The following IGLON5 variants were observed in gnomAD, a reference collection of about 807,000 sequenced individuals.
IGLON5 encodes the protein Ig-like domain-containing protein ENSP00000270642.
A neutral mutation model predicts 38.2 loss-of-function variants in IGLON5; 16 were observed. That is an observed-to-expected ratio of 0.42 (90% CI 0.28 to 0.64). The LOEUF (loss-of-function observed/expected upper bound fraction) is 0.64. IGLON5 is among the 30% of genes least tolerant of loss of function. The probability of loss-of-function intolerance (pLI) is 0.23; values close to 1 mark genes in which losing one functional copy is unlikely to be tolerated. For synonymous variants in IGLON5, 207 were observed against 216.4 expected (o/e 0.96, Z 0.38); for missense variants, 366 against 483.4 (o/e 0.76, Z 2.28).
In IGLON5 at chr19:51,327,359, C is replaced by T. The variant is rs1985243898; in HGVS notation, c.767+159C>T. On this transcript the variant is annotated intron_variant, in intron 6 of 7. Transcript: ENST00000270642. The surrounding 1 kb of genome is among the most constrained non-coding windows in gnomAD (Gnocchi z 7.1). ...TCTAGGTGATGGGATCTGTCCAGCCCCGGAGACAAGCTTGGGTCCCCGCTT... is the reference window on the plus strand; with the variant it reads ...TCTAGGTGATGGGATCTGTCCAGCCTCGGAGACAAGCTTGGGTCCCCGCTT... 6.6e-6 allele frequency among the ~76,000 whole-genome samples: 1 copy of T among 152,086 alleles called. No individual in the cohort carries two copies. Among genetic ancestry groups the T allele is most frequent in the Non-Finnish European group, 1.5e-5 (1 of 68,016 alleles).
chr19:51,313,644 TC>T (rs1984830723), intron 1 of IGLON5, among the ~76,000 whole-genome samples: 1 of 89,786 alleles, frequency 1.1e-5, no homozygotes, highest in East Asian at 2.2e-4. Flanking sequence ...TCTCTCTCTC[TC>T]TTTTTCTTTC....
intron 7 of IGLON5, 53 bp from the exon 8 acceptor site, chr19:51,328,618 C>T (rs1248171882): frequency 1.6e-6 from 2 of 1,225,066 alleles, no homozygotes; most frequent in Admixed American, 5.2e-5. Context: ...GAGAGACACA[C>T]ATGGGGTTCC....
chr19:51,312,460 G>A (rs958570448), intron 1 of IGLON5, among the ~76,000 whole-genome samples: 2 of 152,116 alleles, frequency 1.3e-5, no homozygotes, highest in African/African-American at 4.8e-5. Flanking sequence ...GAGGGGACAA[G>A]GGTGTCCACA....
rs759930932 is a variant in IGLON5, at chr19:51,325,392, G to A, written c.438G>A (p.Glu146=). ...TCTCGTCGCCTGTGACGGTGAATGAGGGGGGCAATGTGAACCTGCTTTGCC... is the reference window on the plus strand; with the variant it reads ...TCTCGTCGCCTGTGACGGTGAATGAAGGGGGCAATGTGAACCTGCTTTGCC... ...VNISSPVTVN[E]GGNVNLLCLA... Residue 146 remains glutamate, a synonymous_variant, in exon 4 of 8, where the codon GAG becomes GAA. Transcript: ENST00000270642. This position sits in a 1 kb window ranked among gnomAD's most constrained non-coding sequence, Gnocchi z 5.5. 1 of 1,613,822 alleles carries A rather than the reference G, an allele frequency of 6.2e-7. No individual in the cohort carries two copies. The highest frequency in any genetic ancestry group is 8.5e-7 in the Non-Finnish European group (1 of 1,179,800).
chr19:51,328,615 A>C (rs1436971081), intron 7 of IGLON5, 56 bp from the exon 8 acceptor site: 1 of 1,174,556 alleles, frequency 8.5e-7, no homozygotes, highest in Non-Finnish European at 1.2e-6. Flanking sequence ...CTGGAGAGAC[A>C]CACATGGGGT....
intron 1 of IGLON5, among the ~76,000 whole-genome samples, chr19:51,316,699 G>A (rs948634529): frequency 6.6e-6 from 1 of 151,798 alleles, no homozygotes; most frequent in African/African-American, 2.4e-5. Flanking sequence ...TCACCATATT[G>A]GTCAGGCTAG....
At chr19:51,321,987 G>A in intron 1 of IGLON5, 77 bp from the exon 2 acceptor site, 1 of 1,161,250 alleles carries the variant, frequency 8.6e-7, no homozygotes, top group South Asian at 1.2e-5. Context: ...GGACGTGCGT[G>A]TGCACATGTG....
At chr19:51,322,757 C>CCTCTGGGTCTCTTTCCCTCTCTCT (rs1985100549) in intron 2 of IGLON5, among the ~76,000 whole-genome samples, 1 of 146,524 alleles carries the variant, frequency 6.8e-6, no homozygotes, top group East Asian at 2.1e-4. Context: ...TCTGAGTCTC[C>CCTCTGGGTCTCTTTCCCTCTCTCT]CTCTGGGTCT....
rs1735017367 is a variant in IGLON5, at chr19:51,325,271, C to T, written c.392-75C>T. The stretch of plus-strand genomic sequence containing the variant: ...GGAGGAGGGGCTGGGGGTCTGGACT[C>T]CTGGGTCTGAAGGAGGAAGGGCTGG... On this transcript the variant is annotated intron_variant, in intron 3 of 7. Coordinates refer to ENST00000270642, the MANE Select transcript of IGLON5 (RefSeq NM_001101372.3). The surrounding 1 kb of genome is among the most constrained non-coding windows in gnomAD (Gnocchi z 5.5). The T allele has an allele frequency of 1.9e-6, 3 of 1,566,166 alleles. No individual in the cohort carries two copies. The highest frequency in any genetic ancestry group is 1.4e-5 in the African/African-American group (1 of 73,850).
intron 1 of IGLON5, among the ~76,000 whole-genome samples, chr19:51,318,064 A>G (rs144463119): frequency 6.6e-6 from 1 of 152,310 alleles, no homozygotes; most frequent in African/African-American, 2.4e-5. Flanking sequence ...AAAGCTCCTC[A>G]TCACTGTCTC....
chr19:51,330,693 C>A lies in IGLON5; in HGVS notation c.*1934C>A, dbSNP rs1401122369. Among the ~76,000 whole-genome samples, 1 of 152,130 alleles carries A rather than the reference C, an allele frequency of 6.6e-6. No individual in the cohort carries two copies. The highest frequency in any genetic ancestry group is 1.5e-5 in the Non-Finnish European group (1 of 68,036). ...GCTTTTCTCCATCACATGGAGAGAT[C>A]TTGGCTCTGTGGGGATAGCAATGGT... On this transcript the variant is annotated 3_prime_UTR_variant, in exon 8 of 8. Coordinates refer to ENST00000270642, the MANE Select transcript of IGLON5 (RefSeq NM_001101372.3).
At chr19:51,319,417 G>T (rs1985001935) in intron 1 of IGLON5, among the ~76,000 whole-genome samples, 1 of 152,126 alleles carries the variant, frequency 6.6e-6, no homozygotes, top group Non-Finnish European at 1.5e-5. Flanking sequence ...GGATGTGACA[G>T]TGTTGCTGTC....
intron 1 of IGLON5, among the ~76,000 whole-genome samples, chr19:51,321,053 C>T (rs923417981): frequency 6.6e-6 from 1 of 152,074 alleles, no homozygotes; most frequent in Non-Finnish European, 1.5e-5. Flanking sequence ...ATACATGTAT[C>T]TGTGCATAAG....
Position 51,324,012 on chromosome 19 carries a change from C to A in IGLON5, c.391+118C>A. ...AGGGATACATAGCGAGAAAGACAGA[C>A]ACAGCCTTGCCCTTGGGGATTTCAG... is the stretch of plus-strand genomic sequence containing the variant. On this transcript the variant is annotated intron_variant, in intron 3 of 7. Transcript: ENST00000270642. The surrounding 1 kb of genome is among the most constrained non-coding windows in gnomAD (Gnocchi z 4.2). The A allele has an allele frequency of 1.4e-6, 1 of 697,516 alleles. No individual in the cohort carries two copies. 43.2% of individuals were successfully genotyped at this position (697,516 alleles called of 1,614,324 possible). A position where few individuals can be genotyped will look rare whatever the true frequency, so the allele number is the denominator to read the frequency against.
intron 7 of IGLON5, among the ~76,000 whole-genome samples, chr19:51,328,267 C>T (rs144491620): frequency 0.016 from 2,389 of 151,014 alleles, 67 homozygotes; most frequent in African/African-American, 0.056. Context: ...TTTGGGAGGC[C>T]GAGGCGGGCT....
chr19:51,329,002 T>C lies in IGLON5; in HGVS notation c.*243T>C, dbSNP rs1985283671. 6.8e-6 allele frequency: 3 copies of C among 442,806 alleles called. No homozygotes were observed. The highest frequency in any genetic ancestry group is 5.9e-4 in the Middle Eastern group (1 of 1,706). 27.4% of individuals were successfully genotyped at this position (442,806 alleles called of 1,614,324 possible). On this transcript the variant is annotated 3_prime_UTR_variant, in exon 8 of 8. Transcript: ENST00000270642. This position sits in a 1 kb window ranked among gnomAD's most constrained non-coding sequence, Gnocchi z 4.3. ...TCTCGCCACCCGTTCACGTTTCCGATTGTGACCCACTCCCGCCACCCCATA... is the reference window on the plus strand; with the variant it reads ...TCTCGCCACCCGTTCACGTTTCCGACTGTGACCCACTCCCGCCACCCCATA...
chr19:51,325,344 A>C lies in IGLON5; in HGVS notation c.392-2A>C. On this transcript the variant is annotated splice_acceptor_variant, in intron 3 of 7. Transcript: ENST00000270642. LOFTEE classifies it high-confidence loss of function. This position sits in a 1 kb window ranked among gnomAD's most constrained non-coding sequence, Gnocchi z 5.5. Reference sequence around the variant, plus strand: ...ATATTCAGCCTCTGCCGCTGCCCGCAGTCCCTGCCCGCATTGTGAACATCT... The same window carrying C: ...ATATTCAGCCTCTGCCGCTGCCCGCCGTCCCTGCCCGCATTGTGAACATCT... The C allele has an allele frequency of 6.2e-7, 1 of 1,613,488 alleles. No individual in the cohort carries two copies. Among genetic ancestry groups the C allele is most frequent in the African/African-American group, 1.3e-5 (1 of 75,010 alleles).
Position 51,327,659 on chromosome 19 carries a change from G to A in IGLON5, c.768-73G>A. On this transcript the variant is annotated intron_variant, in intron 6 of 7. Transcript: ENST00000270642. This position sits in a 1 kb window ranked among gnomAD's most constrained non-coding sequence, Gnocchi z 7.1. ...GCAGAATGCTGGGTCACCGGGGAAC[G>A]GAGGAGCCTGAGAGTCGGGGGGCTG... 6.5e-7 allele frequency: 1 copy of A among 1,529,242 alleles called. No homozygotes were observed. Among genetic ancestry groups the A allele is most frequent in the Non-Finnish European group, 8.7e-7 (1 of 1,143,354 alleles). The allele number at this position is 1,529,242 out of a possible 1,614,324, so 94.7% of individuals were successfully genotyped here.
intron 1 of IGLON5, among the ~76,000 whole-genome samples, chr19:51,319,066 TG>T (rs1984990969): frequency 6.6e-6 from 1 of 152,230 alleles, no homozygotes; most frequent in Non-Finnish European, 1.5e-5. Context: ...TAGGACAGTC[TG>T]GCCCCAAATG....
Sources: gnomAD v4.1 joint callset for allele counts (sites outside exome capture counted in the v4.1 genomes callset) on GRCh38, gnomAD v4.1.1 for gene constraint, Gnocchi (gnomAD v3.1) non-coding constraint, MANE v1.5 for transcripts, NCBI Gene and HGNC (gene_info 2026-07-23, HGNC 2026-07-21) for gene names.